Variants in FAT3 observed in about 807,000 individuals in gnomAD.
FAT3 encodes the protein FAT atypical cadherin 3, also known as protocadherin Fat 3.
Under a neutral mutation model 310.2 loss-of-function variants are expected in FAT3, and 95 were observed. The observed-to-expected ratio is 0.31, with a 90% CI of 0.26 to 0.36. The LOEUF is 0.36. Among genes scored for constraint, FAT3 ranks in the 10% least tolerant of loss-of-function variants. FAT3 has a pLI of 1.00. For synonymous variants in FAT3, 2,314 were observed against 2,192.9 expected, an observed-to-expected ratio of 1.06 and a Z score of -1.54; for missense variants, 5,408 against 5,715.6, an observed-to-expected ratio of 0.95 and a Z score of 1.74.
chr11:92,451,214 G>T (rs1026865879), intron 2 of FAT3, among the ~76,000 whole-genome samples: 1 of 152,128 alleles, frequency 6.6e-6, no homozygotes, highest in Non-Finnish European at 1.5e-5. Context: ...GCCTTGTGTG[G>T]TGAAGAAGGG....
chr11:92,489,427 C>T (rs1160142453), intron 2 of FAT3, among the ~76,000 whole-genome samples: 3 of 152,068 alleles, frequency 2.0e-5, no homozygotes, highest in South Asian at 2.1e-4. Context: ...CTTATCCTTT[C>T]GCCCTGCTCT....
chr11:92,257,998 C>T (rs1425295938), intron 1 of FAT3, among the ~76,000 whole-genome samples: 7 of 152,058 alleles, frequency 4.6e-5, no homozygotes, highest in African/African-American at 1.7e-4. Flanking sequence ...GAACATGAAA[C>T]CTCTTTCTTT....
intron 3 of FAT3, among the ~76,000 whole-genome samples, chr11:92,559,727 A>G (rs777883345): frequency 4.5e-4 from 69 of 152,146 alleles, no homozygotes; most frequent in Non-Finnish European, 1.8e-4. Flanking sequence ...CACGTAACAT[A>G]TAGTCTTTTG....
chr11:92,529,579 C>G (rs1591407528), intron 3 of FAT3, among the ~76,000 whole-genome samples: 1 of 151,508 alleles, frequency 6.6e-6, no homozygotes, highest in Non-Finnish European at 1.5e-5. Flanking sequence ...AATCTTCCTT[C>G]TGAGAGACCT....
chr11:92,399,996 A>G (rs1268153122), intron 2 of FAT3, among the ~76,000 whole-genome samples: 2 of 152,048 alleles, frequency 1.3e-5, no homozygotes, highest in East Asian at 3.9e-4. Context: ...TGGGCTTGGG[A>G]TGTATATATT....
At chr11:92,515,474 C>T (rs1017200961) in intron 2 of FAT3, among the ~76,000 whole-genome samples, 1 of 152,072 alleles carries the variant, frequency 6.6e-6, no homozygotes, top group African/African-American at 2.4e-5. Flanking sequence ...AATGACACTT[C>T]TCTATCAGAG....
At chr11:92,673,590 T>C (rs1943196713) in intron 3 of FAT3, among the ~76,000 whole-genome samples, 1 of 152,192 alleles carries the variant, frequency 6.6e-6, no homozygotes, top group Non-Finnish European at 1.5e-5. Flanking sequence ...GATGCAAAGA[T>C]GGTTGCCTCC....
In FAT3 at chr11:92,883,087, A is replaced by T. The variant is rs781519045; in HGVS notation, c.12631A>T (p.Asn4211Tyr). ...LNKSNGIPFR[N>Y]LRGSGDGRNV... is the part of the protein sequence containing the mutation. The stretch of plus-strand genomic sequence containing the variant: ...CAAGAGCAATGGCATCCCGTTCCGG[A>T]ACCTGCGCGGCAGTGGGGACGGCCG... Residue 4211 changes from asparagine to tyrosine, a missense_variant, in exon 24 of 28, where the codon AAC becomes TAC. This residue lies in a region of FAT3 where 649 missense variants were observed against 666.2 expected (regional missense o/e 0.97). Transcript: ENST00000525166. The surrounding 1 kb of genome is among the most constrained non-coding windows in gnomAD (Gnocchi z 4.2). The T allele has an allele frequency of 6.2e-7, 1 of 1,613,776 alleles. No homozygotes were observed. Among genetic ancestry groups the T allele is most frequent in the African/African-American group, 1.3e-5 (1 of 74,956 alleles).
Position 92,860,799 on chromosome 11 carries a change from G to A in FAT3, c.11658+1477G>A, listed in dbSNP as rs554175326. Among the ~76,000 whole-genome samples, 3 of 152,188 alleles carry A rather than the reference G, an allele frequency of 2.0e-5. No homozygotes were observed. The East Asian group carries it at 5.8e-4, about 29-fold the overall frequency. On this transcript the variant is annotated intron_variant, in intron 21 of 27. Transcript: ENST00000525166. ...GGGCTTCTCTTAATGATCACATAGG[G>A]CTTTACTTACCCACGTCTGGTATTG...
At chr11:92,687,209 C>T (rs1415934490) in intron 3 of FAT3, among the ~76,000 whole-genome samples, 2 of 152,170 alleles carry the variant, frequency 1.3e-5, no homozygotes, top group Admixed American at 1.3e-4. Context: ...GTGCCAAGCA[C>T]CTCAGCTTTA....
chr11:92,840,625 A>G lies in FAT3; in HGVS notation c.10432A>G (p.Asn3478Asp), dbSNP rs779325542. The part of the protein sequence containing the change: ...LVVTDRDSFH[N>D]GPPFSFSILS... ...GGTGACAGACAGAGACTCCTTTCAC[A>G]ATGGGCCTCCCTTTTCATTCTCTAT... Residue 3478 changes from asparagine to aspartate, a missense_variant, in exon 18 of 28, where the codon AAT becomes GAT. Around this residue, in one of 5 missense-constraint regions of FAT3, gnomAD observed 4,588 missense variants for 4,809.8 expected, o/e 0.95. Coordinates refer to ENST00000525166, the MANE Select transcript of FAT3 (RefSeq NM_001367949.2). 6.2e-7 allele frequency: 1 copy of G among 1,612,118 alleles called. No individual in the cohort carries two copies. The highest frequency in any genetic ancestry group is 1.1e-5 in the South Asian group (1 of 90,982).
At chr11:92,608,366 C>T (rs930925136) in intron 3 of FAT3, among the ~76,000 whole-genome samples, 1 of 152,096 alleles carries the variant, frequency 6.6e-6, no homozygotes, top group Non-Finnish European at 1.5e-5. Context: ...TTTTCAACTC[C>T]TTATGGAATG....
chr11:92,698,033 A>C (rs1275085628), intron 4 of FAT3, among the ~76,000 whole-genome samples: 1 of 152,190 alleles, frequency 6.6e-6, no homozygotes, highest in Non-Finnish European at 1.5e-5. Context: ...GCTTTGCAGC[A>C]CATTCTTTCT....
rs1228757925 is a variant in FAT3 at position 92,840,661 on chromosome 11, A to G, written c.10468A>G (p.Asn3490Asp). The change falls in exon 18 of 28, where the codon AAT becomes GAT. Residue 3490 changes from asparagine to aspartate, a missense_variant. This residue lies in a region of FAT3 where 4,588 missense variants were observed against 4,809.8 expected (regional missense o/e 0.95). Transcript: ENST00000525166. Reference protein sequence around the residue: ...PPFSFSILSGNEEEEFVLDPH... With the variant: ...PPFSFSILSGDEEEEFVLDPH... ...CTTTTCATTCTCTATTTTGTCGGGA[A>G]ATGAAGAGGAGGAGTTTGTGTTGGA... The G allele has an allele frequency of 1.2e-6, 2 of 1,613,108 alleles. No individual in the cohort carries two copies. The highest frequency in any genetic ancestry group is 1.7e-6 in the Non-Finnish European group (2 of 1,179,210).
intron 1 of FAT3, chr11:92,314,185 A>T: frequency 2.6e-6 from 1 of 378,158 alleles, no homozygotes; most frequent in Non-Finnish European, 3.6e-6. Context: ...AAAGATGATT[A>T]GATACTTGGT....
chr11:92,594,617 G>A (rs1939610601), intron 3 of FAT3, among the ~76,000 whole-genome samples: 1 of 152,076 alleles, frequency 6.6e-6, no homozygotes, highest in Admixed American at 6.6e-5. Flanking sequence ...TATGTGTCAA[G>A]CACTGTGCTG....
At chr11:92,302,471 T>G (rs1947025624) in intron 1 of FAT3, among the ~76,000 whole-genome samples, 1 of 152,120 alleles carries the variant, frequency 6.6e-6, no homozygotes, top group African/African-American at 2.4e-5. Context: ...TCCTAATTTT[T>G]TTTTTCTTTC....
At chr11:92,475,091 T>C (rs1952012562) in intron 2 of FAT3, among the ~76,000 whole-genome samples, 1 of 152,170 alleles carries the variant, frequency 6.6e-6, no homozygotes, top group Non-Finnish European at 1.5e-5. Context: ...TGGGTCTTGA[T>C]TAAAGGCTAT....
At chr11:92,671,047 T>G (rs992828001) in intron 3 of FAT3, among the ~76,000 whole-genome samples, 1 of 151,748 alleles carries the variant, frequency 6.6e-6, no homozygotes, top group African/African-American at 2.4e-5. Flanking sequence ...TGTTTTTTGT[T>G]TTTTGTTTTT....
Sources: gnomAD v4.1 joint callset for allele counts (sites outside exome capture counted in the v4.1 genomes callset) on GRCh38, gnomAD v4.1.1 for gene constraint, gnomAD v4.1.1 regional missense constraint, Gnocchi (gnomAD v3.1) non-coding constraint, MANE v1.5 for transcripts, NCBI Gene and HGNC (gene_info 2026-07-23, HGNC 2026-07-21) for gene names.